DYNC2H1: variants seen among roughly 807,000 people sequenced by gnomAD.
DYNC2H1 encodes cytoplasmic dynein 2 heavy chain 1.
A neutral mutation model predicts 570.0 loss-of-function variants in DYNC2H1; 410 were observed. The observed-to-expected ratio is 0.72, with a 90% CI of 0.66 to 0.78. DYNC2H1 has a LOEUF of 0.78. Ranked by LOEUF, DYNC2H1 falls within the 30% of genes least tolerant of loss-of-function variation. The pLI is 0.00. For missense variants in DYNC2H1, 4,865 were observed against 5,046.4 expected (o/e 0.96, Z 1.09); for synonymous variants, 1,688 against 1,677.6 (o/e 1.01, Z -0.15).
At chr11:103,390,565 G>A (rs142702208) in intron 83 of DYNC2H1, among the ~76,000 whole-genome samples, 7,186 of 152,140 alleles carry the variant, frequency 0.047, 246 homozygotes, top group African/African-American at 0.095. Flanking sequence ...TATTTTGCTC[G>A]TTAGTTGATG....
intron 70 of DYNC2H1, among the ~76,000 whole-genome samples, chr11:103,272,958 A>G (rs1865767966): frequency 6.6e-6 from 1 of 152,050 alleles, no homozygotes; most frequent in South Asian, 2.1e-4. Context: ...AAGTATATTG[A>G]AATAAATTGT....
chr11:103,264,849 G>A lies in DYNC2H1; in HGVS notation c.10695+4872G>A, dbSNP rs1865445930. On this transcript the variant is annotated intron_variant, in intron 70 of 88. Transcript: ENST00000375735. The surrounding 1 kb of genome is among the most constrained non-coding windows in gnomAD (Gnocchi z 4.8). ...TCTCTCACAACTCCTATTCAACATG[G>A]TACTGGAAGTTCTGGCCAGGGCAAA... Among the ~76,000 whole-genome samples the A allele has an allele frequency of 6.6e-6, 1 of 152,146 alleles. No individual in the cohort carries two copies. Among genetic ancestry groups the A allele is most frequent in the Non-Finnish European group, 1.5e-5 (1 of 68,028 alleles).
chr11:103,350,388 G>T (rs1036055628), intron 82 of DYNC2H1, among the ~76,000 whole-genome samples: 19 of 151,900 alleles, frequency 1.3e-4, no homozygotes, highest in Non-Finnish European at 2.6e-4. Context: ...ATAATTCTTA[G>T]ACATTTAATT....
At chr11:103,140,416 A>G (rs897986983) in intron 17 of DYNC2H1, among the ~76,000 whole-genome samples, 1 of 152,008 alleles carries the variant, frequency 6.6e-6, no homozygotes, top group Admixed American at 6.6e-5. Flanking sequence ...GGTGGTGACA[A>G]AATCTCTCAG....
At chr11:103,398,085 T>C (rs917316519) in intron 83 of DYNC2H1, among the ~76,000 whole-genome samples, 4 of 152,172 alleles carry the variant, frequency 2.6e-5, no homozygotes, top group Non-Finnish European at 4.4e-5. Flanking sequence ...AATTAGTACT[T>C]GTTAATCTTG....
At chr11:103,208,070 T>C (rs1456842366) in intron 52 of DYNC2H1, among the ~76,000 whole-genome samples, 1 of 151,902 alleles carries the variant, frequency 6.6e-6, no homozygotes, top group Non-Finnish European at 1.5e-5. Context: ...ATGGGATGTT[T>C]GAAAGTGAGA....
At chr11:103,473,285 G>T (rs1945448661) in intron 88 of DYNC2H1, among the ~76,000 whole-genome samples, 2 of 124,322 alleles carry the variant, frequency 1.6e-5, no homozygotes, top group African/African-American at 3.3e-5. Flanking sequence ...TCATGAAACA[G>T]ATTTTTTTTT....
At chr11:103,285,050 C>T (rs660593) in intron 73 of DYNC2H1, among the ~76,000 whole-genome samples, 25,279 of 152,076 alleles carry the variant, frequency 0.17, 2,267 homozygotes, top group Admixed American at 0.25. Flanking sequence ...CAAATAGAGG[C>T]ATTTACAAAT....
intron 84 of DYNC2H1, among the ~76,000 whole-genome samples, chr11:103,414,965 G>A (rs1943227051): frequency 6.6e-6 from 1 of 152,122 alleles, no homozygotes; most frequent in South Asian, 2.1e-4. Flanking sequence ...ACTTCCCAAA[G>A]TAATTTATAG....
chr11:103,134,512 T>A (rs1859439919), intron 15 of DYNC2H1, 93 bp downstream of exon 15: 1 of 957,406 alleles, frequency 1.0e-6, no homozygotes, highest in African/African-American at 1.7e-5. Flanking sequence ...TTCATAAAAG[T>A]TATCTTTAAA....
At chr11:103,421,175 C>T (rs1263025591) in intron 84 of DYNC2H1, among the ~76,000 whole-genome samples, 1 of 152,058 alleles carries the variant, frequency 6.6e-6, no homozygotes, top group Non-Finnish European at 1.5e-5. Context: ...ACATGAAGAG[C>T]TAACTATCTC....
At position 103,243,488 on chromosome 11, in the gene DYNC2H1, G is replaced by A. The variant is rs370106364; in HGVS notation, c.9820-205G>A. Among the ~76,000 whole-genome samples, 1 of 151,968 alleles carries A rather than the reference G, an allele frequency of 6.6e-6. No individual in the cohort carries two copies. Among genetic ancestry groups the A allele is most frequent in the African/African-American group, 2.4e-5 (1 of 41,374 alleles). On this transcript the variant is annotated intron_variant, in intron 63 of 88. Coordinates refer to ENST00000375735, the MANE Select transcript of DYNC2H1 (RefSeq NM_001377.3). The surrounding 1 kb of genome is among the most constrained non-coding windows in gnomAD (Gnocchi z 4.8). ...ATGTAATTACCTAATATTAACTCCT[G>A]GTCACTGAAGATTTGTTAATATGGC...
chr11:103,411,287 A>G lies in DYNC2H1; in HGVS notation c.12366+11415A>G, dbSNP rs1591708239. On this transcript the variant is annotated intron_variant, in intron 84 of 88. Coordinates refer to ENST00000375735, the MANE Select transcript of DYNC2H1 (RefSeq NM_001377.3). Reference sequence around the variant, plus strand: ...TAGGGTATAATTGATTTAGGCTATGATATATAAGGTAGCGCTTTCAGAAGG... The same window carrying G: ...TAGGGTATAATTGATTTAGGCTATGGTATATAAGGTAGCGCTTTCAGAAGG... 2.0e-5 allele frequency among the ~76,000 whole-genome samples: 3 copies of G among 152,230 alleles called. No individual in the cohort carries two copies. In the East Asian group the frequency reaches 5.8e-4, roughly 29 times the overall value.
At chr11:103,456,388 A>C in intron 87 of DYNC2H1, 32 bp downstream of exon 87, 1 of 1,532,278 alleles carries the variant, frequency 6.5e-7, no homozygotes. Context: ...TTGGAATCTC[A>C]GCCTTATCAC....
intron 88 of DYNC2H1, among the ~76,000 whole-genome samples, chr11:103,471,032 A>G (rs1487515464): frequency 6.6e-6 from 1 of 152,180 alleles, no homozygotes; most frequent in East Asian, 1.9e-4. Flanking sequence ...AGTCCCACCA[A>G]CAGTGTAAAA....
At chr11:103,131,674 C>T in intron 13 of DYNC2H1, among the ~76,000 whole-genome samples, 1 of 151,940 alleles carries the variant, frequency 6.6e-6, no homozygotes, top group African/African-American at 2.4e-5. Flanking sequence ...TTCCTTTTCC[C>T]TCATTCCTGA....
intron 82 of DYNC2H1, among the ~76,000 whole-genome samples, chr11:103,346,334 A>G (rs1270507661): frequency 1.3e-5 from 2 of 152,196 alleles, no homozygotes; most frequent in African/African-American, 4.8e-5. Context: ...GATATACTCT[A>G]TTTGAATATA....
Position 103,316,683 on chromosome 11 carries a change from CTA to C in DYNC2H1, c.11725+65_11725+66del, listed in dbSNP as rs1229173281. The C allele has an allele frequency of 4.8e-6, 6 of 1,258,288 alleles. 1 individual carries two copies. The South Asian group carries it at 5.2e-5, about 11-fold the overall frequency. 77.9% of individuals were successfully genotyped at this position (1,258,288 alleles called of 1,614,324 possible). On this transcript the variant is annotated intron_variant, in intron 80 of 88. Coordinates refer to ENST00000375735, the MANE Select transcript of DYNC2H1 (RefSeq NM_001377.3). ...AATATTTTATCTGAGGTCTTATTAA[CTA>C]TGTTTTCTTCAGAAGTGGCTTAACT...
intron 83 of DYNC2H1, among the ~76,000 whole-genome samples, chr11:103,362,734 A>G (rs1343225057): frequency 1.3e-5 from 2 of 152,120 alleles, no homozygotes; most frequent in East Asian, 1.9e-4. Context: ...TACTCTTTAA[A>G]TGATATAATA....
Sources: gnomAD v4.1 joint callset for allele counts (sites outside exome capture counted in the v4.1 genomes callset) on GRCh38, gnomAD v4.1.1 for gene constraint, Gnocchi (gnomAD v3.1) non-coding constraint, MANE v1.5 for transcripts, NCBI Gene and HGNC (gene_info 2026-07-23, HGNC 2026-07-21) for gene names.